SYT2: variants seen among roughly 807,000 people sequenced by gnomAD.
The protein encoded by SYT2 is synaptotagmin 2, also known as synaptotagmin-2.
Under a neutral mutation model 39.9 loss-of-function variants are expected in SYT2, and 15 were observed. The observed-to-expected ratio is 0.38, with a 90% CI of 0.25 to 0.58. The LOEUF is 0.58. Ranked by LOEUF, SYT2 falls within the 20% of genes least tolerant of loss-of-function variation. SYT2 has a pLI of 0.70. For missense variants in SYT2, 389 were observed against 530.3 expected, an observed-to-expected ratio of 0.73 and a Z score of 2.62; for synonymous variants, 181 against 204.5, an observed-to-expected ratio of 0.89 and a Z score of 0.98.
chr1:202,626,398 C>CTT (rs58802666), intron 1 of SYT2, among the ~76,000 whole-genome samples: 3,741 of 72,352 alleles, frequency 0.052, 891 homozygotes, highest in Non-Finnish European at 0.067. Context: ...AGCCTCTCAG[C>CTT]TTTTTTTTTT....
chr1:202,680,436 G>A (rs1014153631), intron 1 of SYT2, among the ~76,000 whole-genome samples: 8 of 152,102 alleles, frequency 5.3e-5, no homozygotes, highest in Admixed American at 5.2e-4. Context: ...CAACACTCTG[G>A]GAGGCCAAGG....
rs138209030 is a variant in SYT2 at position 202,658,410 on chromosome 1, G to A, written c.-18+51848C>T. ...CCTAGCCACCGTGTCCCCTCCCTGC[G>A]TCAGAAATCCCTACCTTTGCCTCTA... On this transcript the variant is annotated intron_variant, in intron 1 of 8. Transcript: ENST00000367268. Among the ~76,000 whole-genome samples the A allele has an allele frequency of 4.7e-4, 72 of 152,196 alleles. 1 individual carries two copies. The highest frequency in any genetic ancestry group is 1.6e-3 in the African/African-American group (65 of 41,518).
At chr1:202,644,484 CG>C (rs1421961467) in intron 1 of SYT2, among the ~76,000 whole-genome samples, 1 of 152,114 alleles carries the variant, frequency 6.6e-6, no homozygotes, top group African/African-American at 2.4e-5. Context: ...GATAAGACCT[CG>C]GGGCCACAGC....
intron 1 of SYT2, among the ~76,000 whole-genome samples, chr1:202,626,195 C>T (rs775906464): frequency 1.4e-4 from 22 of 152,136 alleles, no homozygotes; most frequent in Non-Finnish European, 2.9e-4. Flanking sequence ...CGATGCGGGT[C>T]ACCTTACAGC....
At chr1:202,643,959 C>A (rs1692012850) in intron 1 of SYT2, among the ~76,000 whole-genome samples, 1 of 151,976 alleles carries the variant, frequency 6.6e-6, no homozygotes, top group South Asian at 2.1e-4. Flanking sequence ...GAATGGCCTG[C>A]GGGCAGGGGT....
At chr1:202,648,724 T>C (rs1692137505) in intron 1 of SYT2, among the ~76,000 whole-genome samples, 1 of 152,218 alleles carries the variant, frequency 6.6e-6, no homozygotes, top group Admixed American at 6.5e-5. Context: ...AAACTTGAAC[T>C]GTGTTCACAG....
At chr1:202,694,997 T>C (rs1004363705) in intron 1 of SYT2, among the ~76,000 whole-genome samples, 9 of 152,174 alleles carry the variant, frequency 5.9e-5, no homozygotes. Context: ...TCTCACCCCC[T>C]GCTTGGTCTT....
chr1:202,600,763 G>A (rs1690474835), intron 6 of SYT2, among the ~76,000 whole-genome samples: 1 of 152,164 alleles, frequency 6.6e-6, no homozygotes. Flanking sequence ...CAGGACTGAG[G>A]GAGGGATCCC....
intron 1 of SYT2, among the ~76,000 whole-genome samples, chr1:202,683,182 T>C (rs548295835): frequency 1.3e-5 from 2 of 152,232 alleles, no homozygotes; most frequent in African/African-American, 4.8e-5. Flanking sequence ...TACCCTACAA[T>C]GACCAAGCAA....
chr1:202,688,404 C>T (rs1332527561), intron 1 of SYT2, among the ~76,000 whole-genome samples: 1 of 152,216 alleles, frequency 6.6e-6, no homozygotes, highest in Non-Finnish European at 1.5e-5. Context: ...CTGGAACAGG[C>T]TGGGACTGCA....
At chr1:202,662,199 A>G (rs969285838) in intron 1 of SYT2, among the ~76,000 whole-genome samples, 2 of 152,238 alleles carry the variant, frequency 1.3e-5, no homozygotes, top group Non-Finnish European at 2.9e-5. Context: ...CACCATGGGC[A>G]AAGACCAGGA....
chr1:202,687,274 T>C (rs1432581021), intron 1 of SYT2, among the ~76,000 whole-genome samples: 1 of 152,100 alleles, frequency 6.6e-6, no homozygotes, highest in Non-Finnish European at 1.5e-5. Context: ...TTATCACCCT[T>C]GAACTCCAAA....
intron 4 of SYT2, 113 bp downstream of exon 4, chr1:202,602,886 A>C: frequency 7.5e-7 from 1 of 1,335,756 alleles, no homozygotes; most frequent in Non-Finnish European, 1.0e-6. Flanking sequence ...GCCTCATTCT[A>C]TGGAAAGGAG....
At chr1:202,604,705 G>A in intron 2 of SYT2, 84 bp from the exon 3 acceptor site, 4 of 1,355,640 alleles carry the variant, frequency 3.0e-6, no homozygotes, top group Non-Finnish European at 4.0e-6. Context: ...AATGGGTGAG[G>A]AATATGACTG....
In SYT2 at chr1:202,593,092, G is replaced by GAGGGGCAGAGGAAAGGGAAGGGA. The variant is rs1297094673; in HGVS notation, c.*3642_*3664dup. 6.6e-6 allele frequency: 1 copy of GAGGGGCAGAGGAAAGGGAAGGGA among 152,278 alleles called. No homozygotes were observed. Among genetic ancestry groups the GAGGGGCAGAGGAAAGGGAAGGGA allele is most frequent in the East Asian group, 1.9e-4 (1 of 5,188 alleles). 9.4% of individuals were successfully genotyped at this position (152,278 alleles called of 1,614,324 possible). On this transcript the variant is annotated 3_prime_UTR_variant, in exon 9 of 9. Coordinates refer to ENST00000367268, the MANE Select transcript of SYT2 (RefSeq NM_177402.5). Reference sequence around the variant, plus strand: ...AAGGGCCCCAAACAGCTTTAGGTGGGAGGGGCAGAGGAAAGGGAAGGGAAG... The same window carrying GAGGGGCAGAGGAAAGGGAAGGGA: ...AAGGGCCCCAAACAGCTTTAGGTGGGAGGGGCAGAGGAAAGGGAAGGGAAGGGGCAGAGGAAAGGGAAGGGAAG...
chr1:202,674,471 G>C (rs1291847201), intron 1 of SYT2, among the ~76,000 whole-genome samples: 1 of 152,182 alleles, frequency 6.6e-6, no homozygotes, highest in African/African-American at 2.4e-5. Context: ...CATCTGTGTG[G>C]AAGGATGTGA....
At chr1:202,636,101 C>A (rs1445589064) in intron 1 of SYT2, among the ~76,000 whole-genome samples, 1 of 152,132 alleles carries the variant, frequency 6.6e-6, no homozygotes, top group Non-Finnish European at 1.5e-5. Flanking sequence ...GGTGTCCCAG[C>A]TTGAAGGAGA....
chr1:202,600,155 C>T (rs1441046905), intron 7 of SYT2, among the ~76,000 whole-genome samples: 1 of 152,230 alleles, frequency 6.6e-6, no homozygotes, highest in Non-Finnish European at 1.5e-5. Context: ...CCAGAGAGCG[C>T]TGGGAAGGCA....
intron 1 of SYT2, among the ~76,000 whole-genome samples, chr1:202,616,981 A>G (rs1443542111): frequency 1.3e-5 from 2 of 152,204 alleles, no homozygotes; most frequent in Non-Finnish European, 2.9e-5. Context: ...AATCTTCATA[A>G]AATGCAAAGC....
Sources: allele counts gnomAD v4.1 joint callset (sites outside exome capture counted in the v4.1 genomes callset), GRCh38; gene constraint gnomAD v4.1.1; transcripts MANE v1.5; gene names NCBI Gene and HGNC (gene_info 2026-07-23, HGNC 2026-07-21).